The following SOX5 variants were observed in gnomAD, a reference collection of about 807,000 sequenced individuals.
SOX5 encodes SRY-box transcription factor 5.
A neutral mutation model predicts 92.0 loss-of-function variants in SOX5; 9 were observed. The ratio of observed to expected loss-of-function variants is 0.10; its 90% CI spans 0.06 to 0.17. SOX5 has a LOEUF of 0.17. Ranked by LOEUF, SOX5 falls within the 10% of genes least tolerant of loss-of-function variation. The probability of loss-of-function intolerance (pLI) is 1.00; values close to 1 mark genes in which losing one functional copy is unlikely to be tolerated. For synonymous variants in SOX5, 344 were observed against 336.3 expected (o/e 1.02, Z -0.25); for missense variants, 642 against 944.5 (o/e 0.68, Z 4.20).
chr12:24,252,958 G>A (rs776943184), intron 3 of SOX5, among the ~76,000 whole-genome samples: 4 of 152,070 alleles, frequency 2.6e-5, no homozygotes, highest in Non-Finnish European at 4.4e-5. Flanking sequence ...AAACAAATGA[G>A]AGCACACAAT....
intron 1 of SOX5, among the ~76,000 whole-genome samples, chr12:24,516,916 C>T (rs1438405308): frequency 1.3e-5 from 2 of 152,018 alleles, no homozygotes; most frequent in Non-Finnish European, 2.9e-5. Context: ...ATCCTTAAAG[C>T]TTTATATTTC....
chr12:23,766,769 T>A (rs1372274234), intron 3 of SOX5, among the ~76,000 whole-genome samples: 1 of 152,132 alleles, frequency 6.6e-6, no homozygotes, highest in African/African-American at 2.4e-5. Context: ...AAATGTAACA[T>A]TTTTAATGCA....
At chr12:24,089,018 G>A (rs1299577529) in intron 4 of SOX5, among the ~76,000 whole-genome samples, 2 of 151,906 alleles carry the variant, frequency 1.3e-5, no homozygotes, top group Non-Finnish European at 1.5e-5. Context: ...CTGATGACTC[G>A]TTAAAGAGAA....
chr12:23,805,958 C>G (rs887530382), intron 3 of SOX5, among the ~76,000 whole-genome samples: 9 of 152,074 alleles, frequency 5.9e-5, no homozygotes, highest in Non-Finnish European at 1.2e-4. Flanking sequence ...CAGATATAGA[C>G]AGAATACATA....
intron 8 of SOX5, among the ~76,000 whole-genome samples, chr12:23,621,142 A>C (rs945603918): frequency 6.6e-6 from 1 of 152,124 alleles, no homozygotes; most frequent in African/African-American, 2.4e-5. Flanking sequence ...TCATTCTTAA[A>C]GTATATGTTT....
In SOX5 at chr12:23,577,150, T is replaced by TATACAC. The variant is rs1387483353; in HGVS notation, c.1165-1313_1165-1312insGTGTAT. ...TCGATATCAAGTTTATATATATATA[T>TATACAC]ACACACACACACACACACACACACA... On this transcript the variant is annotated intron_variant, in intron 9 of 14. Coordinates refer to ENST00000451604, the MANE Select transcript of SOX5 (RefSeq NM_006940.6). Among the ~76,000 whole-genome samples the TATACAC allele has an allele frequency of 1.3e-3, 154 of 117,578 alleles. 1 individual carries two copies. Among genetic ancestry groups the TATACAC allele is most frequent in the African/African-American group, 3.9e-3 (119 of 30,690 alleles). The allele number at this position is 117,578 out of a possible 152,430, so 77.1% of individuals were successfully genotyped here.
In SOX5 at chr12:23,590,409, A is replaced by G. The variant is rs189805503; in HGVS notation, c.1164+13978T>C. On this transcript the variant is annotated intron_variant, in intron 9 of 14. Transcript: ENST00000451604. ...TACACTCAACCTTGTTTCTTTCTCC[A>G]AAATTCAGATAAAATCCAACCTTTT... 3.0e-3 allele frequency among the ~76,000 whole-genome samples: 460 copies of G among 152,108 alleles called. 4 individuals are homozygous for G. The highest frequency in any genetic ancestry group is 0.011 in the African/African-American group (440 of 41,556).
chr12:23,971,868 C>T (rs1352629103), intron 4 of SOX5, among the ~76,000 whole-genome samples: 1 of 152,092 alleles, frequency 6.6e-6, no homozygotes, highest in Non-Finnish European at 1.5e-5. Flanking sequence ...CACTAAATTA[C>T]ATATTCCTCC....
intron 4 of SOX5, among the ~76,000 whole-genome samples, chr12:24,205,548 T>G (rs766547308): frequency 1.3e-5 from 2 of 152,212 alleles, no homozygotes; most frequent in Admixed American, 6.5e-5. Flanking sequence ...TGAACTGATG[T>G]CTGTCTCATT....
intron 3 of SOX5, among the ~76,000 whole-genome samples, chr12:24,226,882 G>A (rs201456430): frequency 2.4e-5 from 1 of 41,204 alleles, no homozygotes; most frequent in East Asian, 2.9e-3. Flanking sequence ...ATGAATGAAT[G>A]AATAAATCTA....
Position 23,895,939 on chromosome 12 carries a change from C to G in SOX5, c.124G>C (p.Glu42Gln). ...MVTSRQKVEE[E>Q]ESDGLPAFHL... Reference sequence around the variant, plus strand: ...AAGGCTGGGAGCCCGTCACTCTCCTCTTCTTCCACTTTCTGTCTGCTTGTC... The same window carrying G: ...AAGGCTGGGAGCCCGTCACTCTCCTGTTCTTCCACTTTCTGTCTGCTTGTC... Residue 42 changes from glutamate (E) to glutamine (Q), a missense_variant, in exon 2 of 15, where the codon GAG (glutamate) becomes CAG (glutamine). Physicochemically the swap from Glu to Gln is conservative, Grantham distance 29. Around this residue, in one of 8 missense-constraint regions of SOX5, gnomAD observed 113 missense variants for 117.7 expected, o/e 0.96. Coordinates refer to ENST00000451604, the MANE Select transcript of SOX5 (RefSeq NM_006940.6). 1 of 1,614,140 alleles carries G rather than the reference C, an allele frequency of 6.2e-7. No homozygotes were observed. The highest frequency in any genetic ancestry group is 1.3e-5 in the African/African-American group (1 of 75,058).
chr12:24,417,827 G>A (rs1412973970), intron 1 of SOX5, among the ~76,000 whole-genome samples: 1 of 152,120 alleles, frequency 6.6e-6, no homozygotes, highest in Non-Finnish European at 1.5e-5. Flanking sequence ...CTGGAACACA[G>A]GGTATATGAG....
At chr12:23,664,054 T>C (rs528248263) in intron 7 of SOX5, among the ~76,000 whole-genome samples, 1 of 152,272 alleles carries the variant, frequency 6.6e-6, no homozygotes, top group Admixed American at 6.5e-5. Context: ...TAGTCTTGAA[T>C]GCAGACCACT....
intron 3 of SOX5, among the ~76,000 whole-genome samples, chr12:23,778,324 G>GA (rs1452955938): frequency 6.6e-6 from 1 of 152,196 alleles, no homozygotes; most frequent in African/African-American, 2.4e-5. Flanking sequence ...GGAAAGACAT[G>GA]AATGTGGAAG....
chr12:23,586,868 CTT>C (rs1251593984), intron 9 of SOX5, among the ~76,000 whole-genome samples: 2 of 150,902 alleles, frequency 1.3e-5, no homozygotes, highest in Non-Finnish European at 3.0e-5. Flanking sequence ...TAATTAACCT[CTT>C]AGTGAATAAA....
intron 4 of SOX5, among the ~76,000 whole-genome samples, chr12:24,191,004 C>CT (rs531042869): frequency 5.1e-4 from 78 of 152,218 alleles, no homozygotes; most frequent in African/African-American, 1.8e-3. Context: ...ATTTCTTCTT[C>CT]TTTTTTTAAG....
chr12:24,374,516 TACACAC>T (rs148748308), intron 1 of SOX5, among the ~76,000 whole-genome samples: 1 of 146,406 alleles, frequency 6.8e-6, no homozygotes. Context: ...CACACACACA[TACACAC>T]ACACACACAC....
intron 1 of SOX5, among the ~76,000 whole-genome samples, chr12:24,561,683 A>G (rs542105500): frequency 3.4e-5 from 5 of 149,030 alleles, no homozygotes; most frequent in African/African-American, 1.2e-4. Context: ...TGAAATCCCT[A>G]GAATCCTGAA....
intron 4 of SOX5, among the ~76,000 whole-genome samples, chr12:24,105,788 T>C (rs1039325778): frequency 6.6e-6 from 1 of 152,208 alleles, no homozygotes; most frequent in African/African-American, 2.4e-5. Flanking sequence ...GGAGAATTAA[T>C]GGTAATTTTC....
Sources: allele counts gnomAD v4.1 joint callset (sites outside exome capture counted in the v4.1 genomes callset), GRCh38; gene constraint gnomAD v4.1.1; regional missense constraint gnomAD v4.1.1; transcripts MANE v1.5; gene names NCBI Gene and HGNC (gene_info 2026-07-23, HGNC 2026-07-21).